The following REV3L variants were observed in gnomAD, a reference collection of about 807,000 sequenced individuals.
REV3L encodes DNA polymerase zeta catalytic subunit.
A neutral mutation model predicts 299.4 loss-of-function variants in REV3L; 69 were observed. The observed-to-expected ratio is 0.23, with a 90% CI of 0.19 to 0.28. The LOEUF is 0.28. REV3L is among the 10% of genes least tolerant of loss of function. The probability of loss-of-function intolerance (pLI) is 1.00; values close to 1 mark genes in which losing one functional copy is unlikely to be tolerated. For missense variants in REV3L, 3,128 were observed against 3,693.8 expected (o/e 0.85, Z 3.97); for synonymous variants, 1,238 against 1,271.4 (o/e 0.97, Z 0.56).
At chr6:111,415,762 C>A (rs2128283984) in intron 2 of REV3L, among the ~76,000 whole-genome samples, 1 of 152,140 alleles carries the variant, frequency 6.6e-6, no homozygotes, top group East Asian at 1.9e-4. Flanking sequence ...TCCCTGATTA[C>A]TCTAAAATTG....
In REV3L at chr6:111,367,042, TAC is replaced by T. The variant is rs1452940977; in HGVS notation, c.6673+71_6673+72del. 5.9e-5 allele frequency: 73 copies of T among 1,240,988 alleles called. 1 individual carries two copies. Among genetic ancestry groups the T allele is most frequent in the Non-Finnish European group, 7.6e-5 (69 of 910,262 alleles). 76.9% of individuals were successfully genotyped at this position (1,240,988 alleles called of 1,614,324 possible). A position where few individuals can be genotyped will look rare whatever the true frequency, so the allele number is the denominator to read the frequency against. ...TCATTTAAAAAGCTCTGATTTTCATTACAGTCTAATGTTATCTTCATTTCTAT... is the reference window on the plus strand; with the variant it reads ...TCATTTAAAAAGCTCTGATTTTCATTAGTCTAATGTTATCTTCATTTCTAT... On this transcript the variant is annotated intron_variant, in intron 14 of 31. Coordinates refer to ENST00000368802, the MANE Select transcript of REV3L (RefSeq NM_001372078.1).
At chr6:111,405,683 A>C (rs897360264) in intron 3 of REV3L, 53 bp from the exon 4 acceptor site, 2 of 1,192,932 alleles carry the variant, frequency 1.7e-6, no homozygotes, top group Non-Finnish European at 2.4e-6. Context: ...TAAAATGTTA[A>C]ATGAAACAAT....
At chr6:111,310,121 A>C in intron 29 of REV3L, 22 bp from the exon 30 acceptor site, 2 of 1,508,766 alleles carry the variant, frequency 1.3e-6, no homozygotes, top group Non-Finnish European at 1.8e-6. Flanking sequence ...CAAAGAAAAA[A>C]ACCACACCCA....
intron 10 of REV3L, among the ~76,000 whole-genome samples, 185 bp from the exon 11 acceptor site, chr6:111,380,404 T>A (rs759639013): frequency 6.6e-5 from 10 of 151,962 alleles, no homozygotes; most frequent in South Asian, 2.1e-4. Flanking sequence ...GGACTACAGG[T>A]GCCCGTCACC....
intron 1 of REV3L, among the ~76,000 whole-genome samples, chr6:111,437,067 C>G (rs1787636309): frequency 6.6e-6 from 1 of 152,108 alleles, no homozygotes; most frequent in Non-Finnish European, 1.5e-5. Context: ...CTCACTAGGA[C>G]AGCTATAATT....
intron 1 of REV3L, among the ~76,000 whole-genome samples, chr6:111,475,315 C>T (rs1792808414): frequency 2.0e-5 from 3 of 152,084 alleles, no homozygotes; most frequent in Admixed American, 2.0e-4. Context: ...ATAATGCTGC[C>T]ACAAATATTC....
chr6:111,448,872 G>C (rs867509401), intron 1 of REV3L, among the ~76,000 whole-genome samples: 1 of 146,146 alleles, frequency 6.8e-6, no homozygotes, highest in Non-Finnish European at 1.5e-5. Context: ...TGAGGAGTTA[G>C]AGACTCCTCA....
rs369202334 is a variant in REV3L at position 111,363,990 on chromosome 6, AAC to A, written c.6754-14_6754-13del. On this transcript the variant is annotated splice_polypyrimidine_tract_variant and intron_variant, in intron 15 of 31. Coordinates refer to ENST00000368802, the MANE Select transcript of REV3L (RefSeq NM_001372078.1). ...GCTGCAAATTGATTCTATAAAAAAA[AAC>A]ACACACACACACAGCCAGAAAAAGA... is the stretch of plus-strand genomic sequence containing the variant. 1,288 of 1,566,490 alleles carry A rather than the reference AAC, an allele frequency of 8.2e-4. No individual in the cohort carries two copies. The highest frequency in any genetic ancestry group is 1.9e-3 in the East Asian group (84 of 43,184).
intron 1 of REV3L, among the ~76,000 whole-genome samples, chr6:111,480,958 C>A (rs1583159339): frequency 6.7e-6 from 1 of 149,208 alleles, no homozygotes; most frequent in South Asian, 2.1e-4. Flanking sequence ...ATATAATATT[C>A]TTTATTTTTT....
chr6:111,362,423 T>C (rs1332319159), intron 16 of REV3L, among the ~76,000 whole-genome samples: 2 of 152,182 alleles, frequency 1.3e-5, no homozygotes, highest in African/African-American at 4.8e-5. Context: ...AATTGAATTA[T>C]AACTTAAAGG....
intron 1 of REV3L, among the ~76,000 whole-genome samples, chr6:111,479,760 C>T (rs549685506): frequency 1.3e-5 from 2 of 152,146 alleles, no homozygotes; most frequent in Non-Finnish European, 2.9e-5. Flanking sequence ...ATCCTCCTGC[C>T]TCTGTCTTCC....
intron 1 of REV3L, among the ~76,000 whole-genome samples, chr6:111,448,569 C>T (rs1789132085): frequency 6.6e-6 from 1 of 152,022 alleles, no homozygotes; most frequent in South Asian, 2.1e-4. Flanking sequence ...AAGTGATCCA[C>T]CTGCCTCGGC....
At chr6:111,317,314 A>G (rs1213557688) in intron 26 of REV3L, among the ~76,000 whole-genome samples, 4 of 152,218 alleles carry the variant, frequency 2.6e-5, no homozygotes, top group Non-Finnish European at 5.9e-5. Flanking sequence ...AACTCTACTA[A>G]AAGTCTTTAA....
At position 111,329,430 on chromosome 6, in the gene REV3L, C is replaced by G; in HGVS notation, c.8241+102G>C. 3 of 1,082,628 alleles carry G rather than the reference C, an allele frequency of 2.8e-6. No individual in the cohort carries two copies. The South Asian group carries it at 4.0e-5, about 14-fold the overall frequency. The allele number at this position is 1,082,628 out of a possible 1,614,324, so 67.1% of individuals were successfully genotyped here. On this transcript the variant is annotated intron_variant, in intron 25 of 31. Coordinates refer to ENST00000368802, the MANE Select transcript of REV3L (RefSeq NM_001372078.1). ...CAACTCTGGGCTGAAGACCCCCGCA[C>G]CACATCTTAGCTTCCAAAGTAACTG...
At chr6:111,337,719 T>C (rs1006370272) in intron 21 of REV3L, among the ~76,000 whole-genome samples, 11 of 152,342 alleles carry the variant, frequency 7.2e-5, no homozygotes, top group Non-Finnish European at 1.6e-4. Flanking sequence ...AAATGATACA[T>C]TTTAATCTGC....
At position 111,373,900 on chromosome 6, in the gene REV3L, A is replaced by T. The variant is rs777365347; in HGVS notation, c.4455T>A (p.Asn1485Lys). Residue 1485 changes from asparagine to lysine, a missense_variant, in exon 13 of 32, where the codon AAT (asparagine) becomes AAA (lysine). Asn to Lys is a moderately conservative substitution (Grantham distance 94). Around this residue, in one of 9 missense-constraint regions of REV3L, gnomAD observed 2,409 missense variants for 2,611.8 expected, o/e 0.92. Coordinates refer to ENST00000368802, the MANE Select transcript of REV3L (RefSeq NM_001372078.1). ...TCGGTTTTACTCTTTCAGGTTTAAA[A>T]TTTGACATATCTAAAATAAAGCCCC... ...KQRGFILDMSNFKPERVKPRS... is the reference protein window; with the variant it reads ...KQRGFILDMSKFKPERVKPRS... 1 of 1,614,006 alleles carries T rather than the reference A, an allele frequency of 6.2e-7. No individual in the cohort carries two copies. The highest frequency in any genetic ancestry group is 1.7e-5 in the Admixed American group (1 of 60,010).
At chr6:111,465,756 A>ACAAAAAAACAAAAAAAAAAAAC (rs199912630) in intron 1 of REV3L, among the ~76,000 whole-genome samples, 1 of 146,998 alleles carries the variant, frequency 6.8e-6, no homozygotes, top group Non-Finnish European at 1.5e-5. Flanking sequence ...AAAAAAAAAA[A>ACAAAAAAACAAAAAAAAAAAAC]AAAAAAAAAA....
intron 4 of REV3L, among the ~76,000 whole-genome samples, chr6:111,402,395 T>G (rs1370618507): frequency 6.6e-6 from 1 of 152,210 alleles, no homozygotes. Flanking sequence ...ACTTCTGCTT[T>G]TCATCTCTCT....
rs1416318338 is a variant in REV3L, at chr6:111,318,852, C to T, written c.8352-3471G>A. ...GATTACAGGCATGAGCCACCGCGCCCGGCCGTATGCAACATTTAAAATAAG... is the reference window on the plus strand; with the variant it reads ...GATTACAGGCATGAGCCACCGCGCCTGGCCGTATGCAACATTTAAAATAAG... On this transcript the variant is annotated intron_variant, in intron 26 of 31. Transcript: ENST00000368802. Among the ~76,000 whole-genome samples the T allele has an allele frequency of 5.9e-5, 9 of 152,020 alleles. No homozygotes were observed. In the East Asian group the frequency reaches 7.7e-4, roughly 13 times the overall value.
Sources: gnomAD v4.1 joint callset for allele counts (sites outside exome capture counted in the v4.1 genomes callset) on GRCh38, gnomAD v4.1.1 for gene constraint, gnomAD v4.1.1 regional missense constraint, MANE v1.5 for transcripts, NCBI Gene and HGNC (gene_info 2026-07-23, HGNC 2026-07-21) for gene names.